The following STAT4 variants were observed in gnomAD, a reference collection of about 807,000 sequenced individuals.
STAT4 encodes the protein signal transducer and activator of transcription 4.
STAT4 carries 42 observed loss-of-function variants against 110.5 expected under a neutral mutation model. The observed-to-expected ratio is 0.38, with a 90% CI of 0.30 to 0.49. The LOEUF (loss-of-function observed/expected upper bound fraction) is 0.49. Ranked by LOEUF, STAT4 falls within the 20% of genes least tolerant of loss-of-function variation. The pLI is 0.95. For synonymous variants in STAT4, 284 were observed against 302.2 expected (o/e 0.94, Z 0.63); for missense variants, 632 against 887.9 (o/e 0.71, Z 3.66).
At position 191,099,475 on chromosome 2, in the gene STAT4, G is replaced by A. The variant is rs1273080228; in HGVS notation, c.274-23150C>T. Among the ~76,000 whole-genome samples the A allele has an allele frequency of 6.6e-6, 1 of 152,040 alleles. No individual in the cohort carries two copies. Among genetic ancestry groups the A allele is most frequent in the Non-Finnish European group, 1.5e-5 (1 of 67,970 alleles). Reference sequence around the variant, plus strand: ...AAGTAATTTCTCATCTAACAGGGATGGTTCAATAAACTGTAACACATTTCC... The same window carrying A: ...AAGTAATTTCTCATCTAACAGGGATAGTTCAATAAACTGTAACACATTTCC... On this transcript the variant is annotated intron_variant, in intron 3 of 23. Coordinates refer to ENST00000392320, the MANE Select transcript of STAT4 (RefSeq NM_003151.4). The surrounding 1 kb of genome is among the most constrained non-coding windows in gnomAD (Gnocchi z 4.1).
chr2:191,125,780 G>C (rs1248152949), intron 3 of STAT4, among the ~76,000 whole-genome samples: 1 of 151,992 alleles, frequency 6.6e-6, no homozygotes, highest in African/African-American at 2.4e-5. Flanking sequence ...CACCATGCCG[G>C]GCCTGGATCC....
chr2:191,093,821 G>A (rs531571831), intron 3 of STAT4, among the ~76,000 whole-genome samples: 38 of 152,242 alleles, frequency 2.5e-4, no homozygotes, highest in African/African-American at 8.4e-4. Flanking sequence ...CGAACCCATC[G>A]TGAGGAAGCT....
Position 191,062,889 on chromosome 2 carries a change from G to A in STAT4, c.814C>T (p.Leu272=). 1.9e-6 allele frequency: 3 copies of A among 1,613,742 alleles called. No homozygotes were observed. The African/African-American group carries it at 4.0e-5, about 22-fold the overall frequency. Residue 272 remains leucine (L), a synonymous_variant, in exon 9 of 24, where the codon CTG becomes TTG. Coordinates refer to ENST00000392320, the MANE Select transcript of STAT4 (RefSeq NM_003151.4). This position sits in a 1 kb window ranked among gnomAD's most constrained non-coding sequence, Gnocchi z 4.9. ...FTLLAESLFQ[L]RRQLEKLEEQ... is the part of the protein sequence containing the mutation. Reference sequence around the variant, plus strand: ...TCTAGTTTCTCCAATTGCCTTCTCAGTTGGAAAAGACTTTCTGCCAATAGT... The same window carrying A: ...TCTAGTTTCTCCAATTGCCTTCTCAATTGGAAAAGACTTTCTGCCAATAGT...
At position 191,057,774 on chromosome 2, in the gene STAT4, AT is replaced by A. The variant is rs1447756748; in HGVS notation, c.1206+243del. 2.0e-5 allele frequency among the ~76,000 whole-genome samples: 3 copies of A among 150,924 alleles called. No homozygotes were observed. The South Asian group carries it at 6.2e-4, about 31-fold the overall frequency. On this transcript the variant is annotated intron_variant, in intron 13 of 23. Coordinates refer to ENST00000392320, the MANE Select transcript of STAT4 (RefSeq NM_003151.4). The stretch of plus-strand genomic sequence containing the variant: ...CCACCATGCCTGGCTAATTTTTTGT[AT>A]TTTTAGTATAGACGGGGTTTCACTA...
Position 191,147,340 on chromosome 2 carries a change from C to T in STAT4, c.129-583G>A, listed in dbSNP as rs1043730983. Among the ~76,000 whole-genome samples, 33 of 152,092 alleles carry T rather than the reference C, an allele frequency of 2.2e-4. No homozygotes were observed. Among genetic ancestry groups the T allele is most frequent in the Non-Finnish European group, 2.9e-5 (2 of 68,006 alleles). On this transcript the variant is annotated intron_variant, in intron 2 of 23. Transcript: ENST00000392320. This position sits in a 1 kb window ranked among gnomAD's most constrained non-coding sequence, Gnocchi z 4.1. ...TTGAGCTTCAAAAAGGAAGAAAATT[C>T]TGATATGATACCTGTTAAACATGAA...
At position 191,142,724 on chromosome 2, in the gene STAT4, A is replaced by G. The variant is rs972196909; in HGVS notation, c.273+3889T>C. Among the ~76,000 whole-genome samples the G allele has an allele frequency of 2.0e-5, 3 of 152,208 alleles. No individual in the cohort carries two copies. The highest frequency in any genetic ancestry group is 7.2e-5 in the African/African-American group (3 of 41,450). ...AAAATATTTCATGTACCCCATAAATATGTAAAGTATTGTATATCAATAAAA... is the reference window on the plus strand; with the variant it reads ...AAAATATTTCATGTACCCCATAAATGTGTAAAGTATTGTATATCAATAAAA... On this transcript the variant is annotated intron_variant, in intron 3 of 23. Coordinates refer to ENST00000392320, the MANE Select transcript of STAT4 (RefSeq NM_003151.4). The surrounding 1 kb of genome is among the most constrained non-coding windows in gnomAD (Gnocchi z 4.1).
At chr2:191,072,419 T>C (rs1291397611) in intron 5 of STAT4, among the ~76,000 whole-genome samples, 1 of 152,214 alleles carries the variant, frequency 6.6e-6, no homozygotes, top group Non-Finnish European at 1.5e-5. Context: ...TTTGCATTCA[T>C]GTTTTACTTG....
chr2:191,127,974 G>T (rs1321077450), intron 3 of STAT4, among the ~76,000 whole-genome samples: 1 of 152,150 alleles, frequency 6.6e-6, no homozygotes, highest in African/African-American at 2.4e-5. Context: ...TGATCATATT[G>T]GATTTCAACT....
intron 3 of STAT4, among the ~76,000 whole-genome samples, chr2:191,098,467 CA>C (rs1698067561): frequency 6.6e-6 from 1 of 152,158 alleles, no homozygotes; most frequent in African/African-American, 2.4e-5. Flanking sequence ...TTTGCAGGGA[CA>C]TGGATGAAGC....
intron 3 of STAT4, among the ~76,000 whole-genome samples, chr2:191,124,347 C>T (rs750819886): frequency 5.4e-5 from 8 of 149,346 alleles, no homozygotes; most frequent in Non-Finnish European, 1.0e-4. Flanking sequence ...CCCAGCTACT[C>T]GGGAGGCTGA....
intron 3 of STAT4, among the ~76,000 whole-genome samples, chr2:191,137,117 C>T (rs1419687022): frequency 7.9e-5 from 12 of 152,036 alleles, no homozygotes; most frequent in African/African-American, 1.7e-4. Flanking sequence ...CCAAGGTGGG[C>T]GGATCACCTG....
rs1698106244 is a variant in STAT4 at position 191,099,743 on chromosome 2, A to G, written c.274-23418T>C. Among the ~76,000 whole-genome samples the G allele has an allele frequency of 6.6e-6, 1 of 152,124 alleles. No homozygotes were observed. Among genetic ancestry groups the G allele is most frequent in the African/African-American group, 2.4e-5 (1 of 41,434 alleles). ...GAAAGGTTCACACTTGACTGTTAAT[A>G]CGGATGTCTTTGAAGGTAGTGGTGT... On this transcript the variant is annotated intron_variant, in intron 3 of 23. Coordinates refer to ENST00000392320, the MANE Select transcript of STAT4 (RefSeq NM_003151.4). The surrounding 1 kb of genome is among the most constrained non-coding windows in gnomAD (Gnocchi z 4.1).
At chr2:191,034,516 T>G (rs746565637) in intron 18 of STAT4, 32 bp downstream of exon 18, 2 of 1,563,028 alleles carry the variant, frequency 1.3e-6, no homozygotes. Context: ...TAAAAAAATG[T>G]ATCTAAATGA....
intron 3 of STAT4, among the ~76,000 whole-genome samples, chr2:191,105,392 T>C (rs547128065): frequency 3.9e-5 from 6 of 152,346 alleles, no homozygotes; most frequent in Non-Finnish European, 7.4e-5. Context: ...GGATGACACA[T>C]ACAGTATGCA....
chr2:191,145,124 A>T (rs1047910911), intron 3 of STAT4, among the ~76,000 whole-genome samples: 1 of 152,192 alleles, frequency 6.6e-6, no homozygotes, highest in African/African-American at 2.4e-5. Context: ...ACATATATAC[A>T]CACATATATA....
rs1027826026 is a variant in STAT4 at position 191,090,306 on chromosome 2, C to G, written c.274-13981G>C. 3.9e-5 allele frequency among the ~76,000 whole-genome samples: 6 copies of G among 152,108 alleles called. No individual in the cohort carries two copies. Among genetic ancestry groups the G allele is most frequent in the Non-Finnish European group, 7.3e-5 (5 of 68,028 alleles). On this transcript the variant is annotated intron_variant, in intron 3 of 23. Coordinates refer to ENST00000392320, the MANE Select transcript of STAT4 (RefSeq NM_003151.4). This position sits in a 1 kb window ranked among gnomAD's most constrained non-coding sequence, Gnocchi z 4.2. The stretch of plus-strand genomic sequence containing the variant: ...CATATGCCCTCCTTATGCTATTCCT[C>G]TCACCAGAAATGAATGAATTCGAAT...
At chr2:191,131,764 T>C (rs1415417883) in intron 3 of STAT4, 4 of 1,294,158 alleles carry the variant, frequency 3.1e-6, no homozygotes, top group Non-Finnish European at 4.0e-6. Flanking sequence ...TAAATTCCTG[T>C]ATCTTGGTTT....
chr2:191,118,830 C>T (rs1318331810), intron 3 of STAT4, among the ~76,000 whole-genome samples: 1 of 152,152 alleles, frequency 6.6e-6, no homozygotes, highest in Non-Finnish European at 1.5e-5. Flanking sequence ...TTGATCATAG[C>T]TCACTGCAAC....
At chr2:191,096,714 C>T (rs570894961) in intron 3 of STAT4, among the ~76,000 whole-genome samples, 10 of 152,266 alleles carry the variant, frequency 6.6e-5, no homozygotes, top group African/African-American at 2.2e-4. Flanking sequence ...CAGCACGAGA[C>T]AAGAATGCCC....
Sources: allele counts gnomAD v4.1 joint callset (sites outside exome capture counted in the v4.1 genomes callset), GRCh38; gene constraint gnomAD v4.1.1; non-coding constraint Gnocchi (gnomAD v3.1); transcripts MANE v1.5; gene names NCBI Gene and HGNC (gene_info 2026-07-23, HGNC 2026-07-21).